PLPPR1: variants seen among roughly 807,000 people sequenced by gnomAD.
PLPPR1 encodes phospholipid phosphatase-related protein type 1.
Under a neutral mutation model 33.1 loss-of-function variants are expected in PLPPR1, and 10 were observed. The ratio of observed to expected loss-of-function variants is 0.30; its 90% CI spans 0.19 to 0.51. The LOEUF (loss-of-function observed/expected upper bound fraction) is 0.51, where lower values mean the gene tolerates loss of function less well. Among genes scored for constraint, PLPPR1 ranks in the 20% least tolerant of loss-of-function variants. PLPPR1 has a pLI of 0.97. For synonymous variants in PLPPR1, 151 were observed against 151.0 expected, an observed-to-expected ratio of 1.00 and a Z score of 0.00; for missense variants, 304 against 408.1, an observed-to-expected ratio of 0.74 and a Z score of 2.20.
intron 1 of PLPPR1, among the ~76,000 whole-genome samples, chr9:101,083,141 A>T (rs1376135236): frequency 1.3e-5 from 2 of 152,088 alleles, no homozygotes; most frequent in Non-Finnish European, 2.9e-5. Context: ...AGGAACGTAC[A>T]CTAGTTCTCT....
At chr9:101,248,760 G>C (rs1448633737) in intron 2 of PLPPR1, among the ~76,000 whole-genome samples, 1 of 151,974 alleles carries the variant, frequency 6.6e-6, no homozygotes, top group Non-Finnish European at 1.5e-5. Flanking sequence ...AGAAAACAAC[G>C]AAAATACTGT....
At chr9:101,238,041 G>GTA (rs559336914) in intron 2 of PLPPR1, among the ~76,000 whole-genome samples, 2,089 of 126,082 alleles carry the variant, frequency 0.017, 31 homozygotes, top group Non-Finnish European at 0.025. Context: ...AGAGAAATGT[G>GTA]TATATATATA....
Position 101,180,876 on chromosome 9 carries a change from A to G in PLPPR1, c.-45-4574A>G, listed in dbSNP as rs118065150. ...CCAAAAGCACAAGCACAAGCAAAAT[A>G]TAAACAAACGGGATTACACCAAACA... On this transcript the variant is annotated intron_variant, in intron 1 of 7. Coordinates refer to ENST00000374874, the MANE Select transcript of PLPPR1 (RefSeq NM_207299.2). 5.8e-3 allele frequency among the ~76,000 whole-genome samples: 881 copies of G among 152,112 alleles called. 37 individuals carry two copies. The East Asian group carries it at 0.093, about 16-fold the overall frequency.
At chr9:101,075,216 A>T (rs966019203) in intron 1 of PLPPR1, among the ~76,000 whole-genome samples, 1 of 152,166 alleles carries the variant, frequency 6.6e-6, no homozygotes, top group African/African-American at 2.4e-5. Flanking sequence ...CAGTTTGGTG[A>T]CTTGTTAAGA....
intron 1 of PLPPR1, among the ~76,000 whole-genome samples, chr9:101,036,073 C>T (rs148071798): frequency 7.9e-5 from 12 of 152,204 alleles, no homozygotes; most frequent in African/African-American, 1.7e-4. Flanking sequence ...TGTTGCATTA[C>T]GATTTTTTTA....
At chr9:101,240,106 G>A (rs75151789) in intron 2 of PLPPR1, among the ~76,000 whole-genome samples, 8 of 151,968 alleles carry the variant, frequency 5.3e-5, no homozygotes, top group East Asian at 3.9e-4. Flanking sequence ...TTATTCTTCC[G>A]CCTATGGAGA....
intron 1 of PLPPR1, among the ~76,000 whole-genome samples, chr9:101,183,343 C>G (rs183066407): frequency 1.3e-5 from 2 of 151,886 alleles, no homozygotes; most frequent in Non-Finnish European, 3.0e-5. Context: ...AAAAAAATTA[C>G]TGAATGTGCA....
chr9:101,291,164 G>A (rs946529258), intron 4 of PLPPR1, among the ~76,000 whole-genome samples: 1 of 152,068 alleles, frequency 6.6e-6, no homozygotes, highest in East Asian at 1.9e-4. Flanking sequence ...AGGGTCCTAC[G>A]CCCATGGAGT....
chr9:101,121,387 A>G (rs1355492521), intron 1 of PLPPR1, among the ~76,000 whole-genome samples: 9 of 152,184 alleles, frequency 5.9e-5, no homozygotes, highest in Admixed American at 5.9e-4. Context: ...TCAGTTGTCT[A>G]AGTTCACATC....
chr9:101,112,978 A>G (rs978869991), intron 1 of PLPPR1, among the ~76,000 whole-genome samples: 4 of 152,220 alleles, frequency 2.6e-5, no homozygotes, highest in African/African-American at 9.6e-5. Flanking sequence ...TAAAAGATGG[A>G]TTCTTTCTTC....
At chr9:101,244,826 ATAGAAGAT>A (rs1761702996) in intron 2 of PLPPR1, among the ~76,000 whole-genome samples, 1 of 151,968 alleles carries the variant, frequency 6.6e-6, no homozygotes. Context: ...TATGTATCTG[ATAGAAGAT>A]TAGTGTCCAG....
At chr9:101,158,939 C>T (rs534035742) in intron 1 of PLPPR1, among the ~76,000 whole-genome samples, 3 of 152,266 alleles carry the variant, frequency 2.0e-5, no homozygotes, top group Admixed American at 6.5e-5. Context: ...GGAGGCATGG[C>T]ATTGAATGGA....
At chr9:101,125,846 G>C in intron 1 of PLPPR1, 2 of 562,060 alleles carry the variant, frequency 3.6e-6, no homozygotes, top group Non-Finnish European at 6.4e-6. Flanking sequence ...CACCAATGTA[G>C]TAGGAGTAGA....
chr9:101,287,796 C>T (rs1167573638), intron 4 of PLPPR1, among the ~76,000 whole-genome samples: 5 of 152,106 alleles, frequency 3.3e-5, no homozygotes, highest in Non-Finnish European at 5.9e-5. Context: ...CCACTGTGCC[C>T]GGCCCCTGTA....
chr9:101,080,804 T>C (rs1459877342), intron 1 of PLPPR1, among the ~76,000 whole-genome samples: 1 of 152,148 alleles, frequency 6.6e-6, no homozygotes, highest in Non-Finnish European at 1.5e-5. Flanking sequence ...GACCCTTTTT[T>C]CCCATTCCTG....
chr9:101,059,824 G>GC (rs528631652), intron 1 of PLPPR1, among the ~76,000 whole-genome samples: 32 of 152,102 alleles, frequency 2.1e-4, no homozygotes, highest in Non-Finnish European at 3.5e-4. Context: ...ACGAGTGCTG[G>GC]CATGGATGTG....
At chr9:101,085,352 T>C (rs1027995835) in intron 1 of PLPPR1, among the ~76,000 whole-genome samples, 2 of 152,198 alleles carry the variant, frequency 1.3e-5, no homozygotes, top group Non-Finnish European at 2.9e-5. Context: ...AAAGCTAGTT[T>C]AACTTCAGTT....
At chr9:101,120,178 GAGAA>G (rs1460896145) in intron 1 of PLPPR1, among the ~76,000 whole-genome samples, 3 of 152,178 alleles carry the variant, frequency 2.0e-5, no homozygotes. Flanking sequence ...TGCCACATAT[GAGAA>G]AGAGACAGAA....
chr9:101,050,178 A>C (rs74316556), intron 1 of PLPPR1, among the ~76,000 whole-genome samples: 1 of 151,258 alleles, frequency 6.6e-6, no homozygotes, highest in Non-Finnish European at 1.5e-5. Flanking sequence ...AGTTTTTTAC[A>C]CTTAGACCGG....
Sources: allele counts gnomAD v4.1 joint callset (sites outside exome capture counted in the v4.1 genomes callset), GRCh38; gene constraint gnomAD v4.1.1; transcripts MANE v1.5; gene names NCBI Gene and HGNC (gene_info 2026-07-23, HGNC 2026-07-21).